The following CLIP2 variants were observed in gnomAD, a reference collection of about 807,000 sequenced individuals.
CLIP2 encodes the protein CAP-Gly domain-containing linker protein 2.
CLIP2 carries 41 observed loss-of-function variants against 111.7 expected under a neutral mutation model. That is an observed-to-expected ratio of 0.37 (90% confidence interval 0.29 to 0.48). The LOEUF (loss-of-function observed/expected upper bound fraction) is 0.48, where lower values mean the gene tolerates loss of function less well. Among genes scored for constraint, CLIP2 ranks in the 20% least tolerant of loss-of-function variants. The probability of loss-of-function intolerance (pLI) is 0.99; values close to 1 mark genes in which losing one functional copy is unlikely to be tolerated. For synonymous variants in CLIP2, 660 were observed against 644.2 expected (o/e 1.02, Z -0.37); for missense variants, 1,160 against 1,422.1 (o/e 0.82, Z 2.96).
At chr7:74,346,263 G>A (rs1296620220) in intron 3 of CLIP2, among the ~76,000 whole-genome samples, 1 of 152,084 alleles carries the variant, frequency 6.6e-6, no homozygotes, top group Non-Finnish European at 1.5e-5. Context: ...TTACAGGTGT[G>A]AGCCACCACA....
At chr7:74,367,244 G>A (rs191146588) in intron 8 of CLIP2, among the ~76,000 whole-genome samples, 2 of 151,568 alleles carry the variant, frequency 1.3e-5, no homozygotes, top group African/African-American at 2.4e-5. Context: ...AGGCTGGAGT[G>A]CAGTGGCGCA....
chr7:74,323,824 C>T (rs930722364), intron 2 of CLIP2, among the ~76,000 whole-genome samples: 1 of 152,126 alleles, frequency 6.6e-6, no homozygotes, highest in Non-Finnish European at 1.5e-5. Flanking sequence ...AGGTTTGTAG[C>T]CTAGGAGCAG....
At chr7:74,351,426 CAAAAAAAAAAA>C (rs55952428) in intron 3 of CLIP2, among the ~76,000 whole-genome samples, 3 of 65,938 alleles carry the variant, frequency 4.5e-5, no homozygotes, top group African/African-American at 9.4e-5. Flanking sequence ...ATTCCAGTGT[CAAAAAAAAAAA>C]AAAAAAAAAA....
Position 74,357,485 on chromosome 7 carries a change from G to A in CLIP2, c.1215+8G>A, listed in dbSNP as rs950927971. On this transcript the variant is annotated splice_region_variant and intron_variant, in intron 6 of 16. Transcript: ENST00000223398. ...AAGGCACAGCATGAGCAGGTGAGTGGCAGGTGGGGCTGGGGGCAGAGCTTC... is the reference window on the plus strand; with the variant it reads ...AAGGCACAGCATGAGCAGGTGAGTGACAGGTGGGGCTGGGGGCAGAGCTTC... The A allele has an allele frequency of 2.5e-6, 4 of 1,607,666 alleles. No homozygotes were observed. The African/African-American group carries it at 5.3e-5, about 21-fold the overall frequency.
At position 74,375,939 on chromosome 7, in the gene CLIP2, C is replaced by T; in HGVS notation, c.1538C>T (p.Thr513Ile). ...GTGCTGCAGCTGGAGGAGGAGCTCA[C>T]CCTGCGCCGAGGTGAAATCGAGGAG... ...SRVLQLEEEL[T>I]LRRGEIEELQ... Residue 513 changes from threonine to isoleucine, a missense_variant, in exon 10 of 17, where the codon ACC (threonine) becomes ATC (isoleucine). Around this residue, in one of 5 missense-constraint regions of CLIP2, gnomAD observed 676 missense variants for 777.8 expected, o/e 0.87. Coordinates refer to ENST00000223398, the MANE Select transcript of CLIP2 (RefSeq NM_003388.5). 15 of 1,599,318 alleles carry T rather than the reference C, an allele frequency of 9.4e-6. No individual in the cohort carries two copies. Among genetic ancestry groups the T allele is most frequent in the Non-Finnish European group, 1.2e-5 (14 of 1,174,234 alleles).
intron 7 of CLIP2, among the ~76,000 whole-genome samples, chr7:74,361,170 C>T (rs13239466): frequency 3.1e-4 from 4 of 12,720 alleles, no homozygotes; most frequent in Admixed American, 7.8e-4. Context: ...CTCCCTCCCT[C>T]CCTTCTTTCC....
At chr7:74,352,236 A>G (rs1554307698) in intron 3 of CLIP2, among the ~76,000 whole-genome samples, 1 of 152,082 alleles carries the variant, frequency 6.6e-6, no homozygotes, top group Non-Finnish European at 1.5e-5. Context: ...GGAGTTCGAG[A>G]CCAGCCTGGC....
In CLIP2 at chr7:74,342,268, C is replaced by T. The variant is rs148195718; in HGVS notation, c.678+3264C>T. 1.4e-3 allele frequency among the ~76,000 whole-genome samples: 219 copies of T among 151,950 alleles called. 1 individual carries two copies. Among genetic ancestry groups the T allele is most frequent in the African/African-American group, 5.1e-3 (211 of 41,464 alleles). On this transcript the variant is annotated intron_variant, in intron 3 of 16. Coordinates refer to ENST00000223398, the MANE Select transcript of CLIP2 (RefSeq NM_003388.5). ...GCACGTGCCTGTAGTCCGAGCTACT[C>T]GGGAGGTTGAGGCAGGAGAATCGCT...
chr7:74,375,853 GC>G (rs1336689411), intron 9 of CLIP2, 33 bp from the exon 10 acceptor site: 1 of 1,464,458 alleles, frequency 6.8e-7, no homozygotes, highest in African/African-American at 1.4e-5. Flanking sequence ...CAGCCAGCCA[GC>G]CCGCTGATCC....
chr7:74,336,577 A>G (rs946637497), intron 2 of CLIP2, among the ~76,000 whole-genome samples: 4 of 152,002 alleles, frequency 2.6e-5, no homozygotes, highest in African/African-American at 9.7e-5. Context: ...AGTATGGGGG[A>G]AACCACCCCT....
chr7:74,361,887 G>C (rs1554309853), intron 7 of CLIP2, among the ~76,000 whole-genome samples: 1 of 152,040 alleles, frequency 6.6e-6, no homozygotes, highest in African/African-American at 2.4e-5. Flanking sequence ...GATCACCTGA[G>C]GTCAGGAGTT....
In CLIP2 at chr7:74,402,827, G is replaced by A. The variant is rs139437898; in HGVS notation, c.3130-1010G>A. On this transcript the variant is annotated intron_variant, in intron 16 of 16. Coordinates refer to ENST00000223398, the MANE Select transcript of CLIP2 (RefSeq NM_003388.5). ...ACACAGGCAGGGTTATGTGGGCAGA[G>A]CCAGCCTCAGAGGAGTTAGTGTGAT... Among the ~76,000 whole-genome samples, 434 of 152,290 alleles carry A rather than the reference G, an allele frequency of 2.8e-3. 1 individual carries two copies. Among genetic ancestry groups the A allele is most frequent in the African/African-American group, 9.8e-3 (408 of 41,562 alleles).
At position 74,386,565 on chromosome 7, in the gene CLIP2, T is replaced by C; in HGVS notation, c.2524T>C (p.Leu842=). The change falls in exon 12 of 17, where the codon TTG becomes CTG. Residue 842 remains leucine, a synonymous_variant. Coordinates refer to ENST00000223398, the MANE Select transcript of CLIP2 (RefSeq NM_003388.5). The part of the protein sequence containing the change: ...LNKRDKEVTA[L]TSQTEMLRAQ... ...CAAGAGGGACAAAGAGGTGACAGCC[T>C]TGACCTCCCAGACCGAGATGCTCAG... 6.2e-7 allele frequency: 1 copy of C among 1,611,030 alleles called. No homozygotes were observed.
chr7:74,403,135 CT>C (rs34518404), intron 16 of CLIP2, among the ~76,000 whole-genome samples: 100,375 of 147,642 alleles, frequency 0.68, 34,115 homozygotes, highest in East Asian at 0.73. Context: ...AGGAGAATCG[CT>C]TGAACCCGGG....
chr7:74,361,050 C>T (rs1214083073), intron 7 of CLIP2, among the ~76,000 whole-genome samples: 1 of 151,922 alleles, frequency 6.6e-6, no homozygotes, highest in Non-Finnish European at 1.5e-5. Context: ...CCTCCCCAAC[C>T]CTGGACTGAG....
intron 3 of CLIP2, among the ~76,000 whole-genome samples, chr7:74,341,840 C>T (rs573173466): frequency 2.0e-5 from 3 of 152,208 alleles, no homozygotes; most frequent in Admixed American, 1.3e-4. Context: ...TAGTCCCTGC[C>T]CTCCAGCCAT....
At chr7:74,389,390 C>G in intron 13 of CLIP2, 131 bp downstream of exon 13, 1 of 861,332 alleles carries the variant, frequency 1.2e-6, no homozygotes, top group Non-Finnish European at 1.7e-6. Context: ...CGATCTCGAG[C>G]GATCACCCTG....
chr7:74,328,986 C>T (rs1789198774), intron 2 of CLIP2, among the ~76,000 whole-genome samples: 1 of 151,042 alleles, frequency 6.6e-6, no homozygotes, highest in South Asian at 2.1e-4. Flanking sequence ...GATCTCAGCT[C>T]ACTGCAAGCT....
intron 8 of CLIP2, among the ~76,000 whole-genome samples, chr7:74,365,341 G>A (rs1445938854): frequency 6.6e-6 from 1 of 152,100 alleles, no homozygotes; most frequent in Non-Finnish European, 1.5e-5. Flanking sequence ...GGCATTTCAG[G>A]GGACTGGAGC....
Sources: gnomAD v4.1 joint callset for allele counts (sites outside exome capture counted in the v4.1 genomes callset) on GRCh38, gnomAD v4.1.1 for gene constraint, gnomAD v4.1.1 regional missense constraint, MANE v1.5 for transcripts, NCBI Gene and HGNC (gene_info 2026-07-23, HGNC 2026-07-21) for gene names.